Variants in RREB1 observed in about 807,000 individuals in gnomAD.
The protein encoded by RREB1 is ras-responsive element-binding protein 1.
RREB1 carries 27 observed loss-of-function variants against 117.8 expected under a neutral mutation model. The observed-to-expected ratio is 0.23, with a 90% CI of 0.17 to 0.32. RREB1 has a LOEUF of 0.32. Ranked by LOEUF, RREB1 falls within the 10% of genes least tolerant of loss-of-function variation. The pLI is 1.00. For synonymous variants in RREB1, 1,298 were observed against 1,026.7 expected, an observed-to-expected ratio of 1.26 and a Z score of -5.05; for missense variants, 2,577 against 2,378.2, an observed-to-expected ratio of 1.08 and a Z score of -1.74.
rs200490177 is a variant in RREB1, at chr6:7,248,507, C to G, written c.4772-4C>G. 3 of 1,613,296 alleles carry G rather than the reference C, an allele frequency of 1.9e-6. No homozygotes were observed. The Admixed American group carries it at 5.0e-5, about 27-fold the overall frequency. ...AATGGAAATTCTTTCTTCCATTGTTCCAGGGGAAAGGCCATACAAATGTCA... is the reference window on the plus strand; with the variant it reads ...AATGGAAATTCTTTCTTCCATTGTTGCAGGGGAAAGGCCATACAAATGTCA... On this transcript the variant is annotated splice_polypyrimidine_tract_variant and splice_region_variant and intron_variant, in intron 12 of 12. Coordinates refer to ENST00000379938, the MANE Select transcript of RREB1 (RefSeq NM_001003699.4).
intron 6 of RREB1, among the ~76,000 whole-genome samples, chr6:7,200,244 ATGTGTGTGTGTGTGTG>A (rs70978945): frequency 1.0e-4 from 13 of 129,374 alleles, no homozygotes; most frequent in South Asian, 7.5e-4. Flanking sequence ...ATGTGTGTAT[ATGTGTGTGTGTGTGTG>A]TGTGTGTGTG....
At chr6:7,192,635 T>C (rs937826178) in intron 6 of RREB1, among the ~76,000 whole-genome samples, 5 of 152,228 alleles carry the variant, frequency 3.3e-5, no homozygotes, top group Admixed American at 6.5e-5. Flanking sequence ...TAGTTAGTAA[T>C]AATTTCCTTT....
In RREB1 at chr6:7,230,551, G is replaced by A. The variant is rs753575454; in HGVS notation, c.2452G>A (p.Glu818Lys). The A allele has an allele frequency of 5.0e-6, 8 of 1,599,552 alleles. No homozygotes were observed. The African/African-American group carries it at 8.0e-5, about 16-fold the overall frequency. ...CCTCAAGCAGCACCTGCACGTGCCC[G>A]AGCAGGACATCGAGAGCTACGTGCT... ...HILKQHLHVP[E>K]QDIESYVLAA... is the part of the protein sequence containing the mutation. Residue 818 changes from glutamate (E) to lysine (K), a missense_variant, in exon 10 of 13, where the codon GAG (glutamate) becomes AAG (lysine). Glu to Lys is a moderately conservative substitution (Grantham distance 56, BLOSUM62 1). Transcript: ENST00000379938.
At chr6:7,224,654 G>A (rs934624397) in intron 8 of RREB1, among the ~76,000 whole-genome samples, 1 of 152,186 alleles carries the variant, frequency 6.6e-6, no homozygotes, top group African/African-American at 2.4e-5. Flanking sequence ...TCACCCAGAG[G>A]GGCTGTGTCC....
intron 9 of RREB1, among the ~76,000 whole-genome samples, chr6:7,226,916 T>C (rs897722210): frequency 3.3e-5 from 5 of 152,194 alleles, no homozygotes; most frequent in African/African-American, 1.2e-4. Context: ...TCTGTGCCTT[T>C]TGTCCGTTCT....
chr6:7,153,105 GTTTT>G (rs369606887), intron 1 of RREB1, among the ~76,000 whole-genome samples: 6 of 105,034 alleles, frequency 5.7e-5, no homozygotes, highest in East Asian at 2.7e-4. Context: ...TTGTGAGAGG[GTTTT>G]TTTTTTTTTT....
chr6:7,219,061 A>G (rs962893226), intron 8 of RREB1: 1 of 131,146 alleles, frequency 7.6e-6, no homozygotes, highest in Non-Finnish European at 1.5e-5. Context: ...CCGTCTGGCC[A>G]ACACGGCGAA....
intron 1 of RREB1, among the ~76,000 whole-genome samples, chr6:7,173,255 TTTCAC>T (rs1764314701): frequency 6.6e-6 from 1 of 152,078 alleles, no homozygotes; most frequent in African/African-American, 2.4e-5. Context: ...AGAGTTTAGA[TTTCAC>T]TTCAAGAACC....
Position 7,189,233 on chromosome 6 carries a change from C to A in RREB1, c.336C>A (p.Leu112=). 6.2e-7 allele frequency: 1 copy of A among 1,612,710 alleles called. No homozygotes were observed. Among genetic ancestry groups the A allele is most frequent in the Non-Finnish European group, 8.5e-7 (1 of 1,179,398 alleles). ...AGTCACTGAGCTCGGCCAGCTCCCT[C>A]GATCGCCACATGCTGGTGCACTCTG... ...CGKSLSSASS[L]DRHMLVHSGE... The change falls in exon 6 of 13, where the codon CTC becomes CTA. Residue 112 remains leucine, a synonymous_variant. Coordinates refer to ENST00000379938, the MANE Select transcript of RREB1 (RefSeq NM_001003699.4).
intron 1 of RREB1, among the ~76,000 whole-genome samples, chr6:7,139,555 G>A (rs139908397): frequency 2.6e-5 from 4 of 152,250 alleles, no homozygotes; most frequent in African/African-American, 9.6e-5. Flanking sequence ...AAATAGTTCT[G>A]CTATAACCTA....
rs1769372805 is a variant in RREB1, at chr6:7,250,738, C to T, written c.*1770C>T. On this transcript the variant is annotated 3_prime_UTR_variant, in exon 13 of 13. Coordinates refer to ENST00000379938, the MANE Select transcript of RREB1 (RefSeq NM_001003699.4). ...CCGCCACTTCACCAGTTTCTGAAAT[C>T]CAACCTCCCAGACTTCACAGGAAGA... is the stretch of plus-strand genomic sequence containing the variant. 6.6e-6 allele frequency: 1 copy of T among 152,076 alleles called. No homozygotes were observed. Among genetic ancestry groups the T allele is most frequent in the African/African-American group, 2.4e-5 (1 of 41,396 alleles). The allele number at this position is 152,076 out of a possible 1,614,324, so 9.4% of individuals were successfully genotyped here.
chr6:7,232,297 G>A (rs1768042452), intron 10 of RREB1, among the ~76,000 whole-genome samples: 1 of 152,172 alleles, frequency 6.6e-6, no homozygotes, highest in Admixed American at 6.5e-5. Context: ...AAGGTATTGG[G>A]GCATAATGAG....
intron 6 of RREB1, among the ~76,000 whole-genome samples, chr6:7,193,724 A>G (rs1765528493): frequency 1.3e-5 from 2 of 152,252 alleles, no homozygotes; most frequent in Non-Finnish European, 1.5e-5. Context: ...TTATACACAT[A>G]GCCTGAACAT....
chr6:7,116,257 C>T (rs1761392540), intron 1 of RREB1, among the ~76,000 whole-genome samples: 1 of 152,186 alleles, frequency 6.6e-6, no homozygotes, highest in Admixed American at 6.5e-5. Flanking sequence ...TACCCCACTG[C>T]CACACTGAAT....
intron 6 of RREB1, among the ~76,000 whole-genome samples, chr6:7,208,658 C>T (rs1224893731): frequency 6.6e-6 from 1 of 152,226 alleles, no homozygotes; most frequent in Non-Finnish European, 1.5e-5. Context: ...TGATGCAGTT[C>T]AAGGGCAGCC....
At chr6:7,218,009 T>C (rs971109165) in intron 8 of RREB1, 25 of 152,228 alleles carry the variant, frequency 1.6e-4, no homozygotes, top group African/African-American at 5.1e-4. Flanking sequence ...TGAGTCTTGC[T>C]TCCCACGTTT....
At chr6:7,160,460 G>T (rs1763597127) in intron 1 of RREB1, among the ~76,000 whole-genome samples, 1 of 152,136 alleles carries the variant, frequency 6.6e-6, no homozygotes, top group South Asian at 2.1e-4. Context: ...AAATGTGCCA[G>T]CTAGCTTTTT....
At chr6:7,124,021 T>C (rs1433596152) in intron 1 of RREB1, among the ~76,000 whole-genome samples, 10 of 152,218 alleles carry the variant, frequency 6.6e-5, no homozygotes. Context: ...AAAATTACTT[T>C]TTCCTTAGGA....
intron 8 of RREB1, chr6:7,217,110 A>G (rs1251539779): frequency 6.6e-6 from 1 of 152,340 alleles, no homozygotes; most frequent in East Asian, 1.9e-4. Flanking sequence ...GCTCGCAGCA[A>G]CTGGGAGAGA....
Sources: gnomAD v4.1 joint callset for allele counts (sites outside exome capture counted in the v4.1 genomes callset) on GRCh38, gnomAD v4.1.1 for gene constraint, MANE v1.5 for transcripts, NCBI Gene and HGNC (gene_info 2026-07-23, HGNC 2026-07-21) for gene names.